GOLGA2: variants seen among roughly 807,000 people sequenced by gnomAD.
The protein encoded by GOLGA2 is golgin A2, also known as golgin subfamily A member 2.
A neutral mutation model predicts 148.8 loss-of-function variants in GOLGA2; 49 were observed. That is an observed-to-expected ratio of 0.33 (90% confidence interval 0.26 to 0.42). GOLGA2 has a LOEUF of 0.42. Among genes scored for constraint, GOLGA2 ranks in the 10% least tolerant of loss-of-function variants. The probability of loss-of-function intolerance (pLI) is 1.00; values close to 1 mark genes in which losing one functional copy is unlikely to be tolerated. For missense variants in GOLGA2, 1,178 were observed against 1,304.6 expected, an observed-to-expected ratio of 0.90 and a Z score of 1.49; for synonymous variants, 501 against 511.8, an observed-to-expected ratio of 0.98 and a Z score of 0.28.
In GOLGA2 at chr9:128,268,659, C is replaced by T. The variant is rs938232616; in HGVS notation, c.289-135G>A. 23 of 622,296 alleles carry T rather than the reference C, an allele frequency of 3.7e-5. No homozygotes were observed. The African/African-American group carries it at 4.0e-4, about 11-fold the overall frequency. 38.5% of individuals were successfully genotyped at this position (622,296 alleles called of 1,614,324 possible). On this transcript the variant is annotated intron_variant, in intron 3 of 26. Transcript: ENST00000611957. ...ACAGTCACACATGCTAGGAGCCACT[C>T]AGGGGTGTGGATTGGTTGCCCAGGC...
chr9:128,257,943 C>T lies in GOLGA2; in HGVS notation c.2508+37G>A, dbSNP rs1437815402. 1.9e-6 allele frequency: 3 copies of T among 1,605,258 alleles called. No homozygotes were observed. The South Asian group carries it at 3.3e-5, about 18-fold the overall frequency. On this transcript the variant is annotated intron_variant, in intron 23 of 26. Transcript: ENST00000611957. The surrounding 1 kb of genome is among the most constrained non-coding windows in gnomAD (Gnocchi z 8.0). Reference sequence around the variant, plus strand: ...TATCGGCAGCGACCTGCCCCGCCCCCACCCTTCTTGACCCATGCCAGGAGA... The same window carrying T: ...TATCGGCAGCGACCTGCCCCGCCCCTACCCTTCTTGACCCATGCCAGGAGA...
In GOLGA2 at chr9:128,268,449, C is replaced by A. The variant is rs1223543105; in HGVS notation, c.364G>T (p.Ala122Ser). The A allele has an allele frequency of 6.2e-7, 1 of 1,609,836 alleles. No homozygotes were observed. The highest frequency in any genetic ancestry group is 8.5e-7 in the Non-Finnish European group (1 of 1,176,602). Reference protein sequence around the residue: ...VLPGGVPSPGASLTSMAASQN... With the variant: ...VLPGGVPSPGSSLTSMAASQN... ...GATGCCGCCATGCTAGTGAGACTGGCACCAGGGGAAGGGACACCGCCAGGT... is the reference window on the plus strand; with the variant it reads ...GATGCCGCCATGCTAGTGAGACTGGAACCAGGGGAAGGGACACCGCCAGGT... The change falls in exon 4 of 27, where the codon GCC becomes TCC. Residue 122 changes from alanine (A) to serine (S), a missense_variant. Coordinates refer to ENST00000611957, the MANE Select transcript of GOLGA2 (RefSeq NM_001366244.2).
Position 128,257,212 on chromosome 9 carries a change from C to T in GOLGA2, c.2945G>A (p.Arg982His), listed in dbSNP as rs149833577. The T allele has an allele frequency of 1.5e-3, 2,436 of 1,613,934 alleles. 20 individuals carry two copies. In the African/African-American group the frequency reaches 0.028, roughly 19 times the overall value. Residue 982 changes from arginine (R) to histidine (H), a missense_variant, in exon 27 of 27, where the codon CGT becomes CAT. Coordinates refer to ENST00000611957, the MANE Select transcript of GOLGA2 (RefSeq NM_001366244.2). The surrounding 1 kb of genome is among the most constrained non-coding windows in gnomAD (Gnocchi z 8.0). ...AQGEAREGSPRDNPTAQQIMQ... is the reference protein window; with the variant it reads ...AQGEAREGSPHDNPTAQQIMQ... ...GATCTGCTGTGCAGTGGGGTTGTCA[C>T]GGGGAGAACCCTCCCTGGCCTCTCC...
At chr9:128,275,865 C>CGG (rs983864420) in intron 1 of GOLGA2, 28 bp downstream of exon 1, 18 of 1,257,328 alleles carry the variant, frequency 1.4e-5, no homozygotes, top group Non-Finnish European at 2.0e-5. Context: ...GGGGCTGGGT[C>CGG]GGGGGGCCGC....
At position 128,260,007 on chromosome 9, in the gene GOLGA2, G is replaced by A; in HGVS notation, c.1872+69C>T. On this transcript the variant is annotated intron_variant, in intron 19 of 26. Coordinates refer to ENST00000611957, the MANE Select transcript of GOLGA2 (RefSeq NM_001366244.2). This position sits in a 1 kb window ranked among gnomAD's most constrained non-coding sequence, Gnocchi z 4.8. ...TGTGCCCCAGGCTGGAGCTGCCTCT[G>A]GCCTCACACCACCCCTCCCCAGAGG... The A allele has an allele frequency of 9.2e-7, 1 of 1,086,396 alleles. No individual in the cohort carries two copies. Among genetic ancestry groups the A allele is most frequent in the Non-Finnish European group, 1.4e-6 (1 of 711,584 alleles). 67.3% of individuals were successfully genotyped at this position (1,086,396 alleles called of 1,614,324 possible).
chr9:128,260,195 CAG>C lies in GOLGA2; in HGVS notation c.1759-8_1759-7del. 6.3e-7 allele frequency: 1 copy of C among 1,591,822 alleles called. No homozygotes were observed. The highest frequency in any genetic ancestry group is 8.6e-7 in the Non-Finnish European group (1 of 1,166,916). On this transcript the variant is annotated splice_polypyrimidine_tract_variant and splice_region_variant and intron_variant, in intron 18 of 26. Coordinates refer to ENST00000611957, the MANE Select transcript of GOLGA2 (RefSeq NM_001366244.2). The surrounding 1 kb of genome is among the most constrained non-coding windows in gnomAD (Gnocchi z 4.8). ...ATCTCCATGTTCTCATTAGTCTGGA[CAG>C]AGAGAAGCAATCAGCGGCCACCCAC...
rs766576818 is a variant in GOLGA2 at position 128,265,797 on chromosome 9, G to C, written c.817C>G (p.Gln273Glu). Residue 273 changes from glutamine to glutamate, a missense_variant, in exon 11 of 27, where the codon CAG (glutamine) becomes GAG (glutamate). This residue lies in a region of GOLGA2 where 304 missense variants were observed against 404.1 expected (regional missense o/e 0.75). Coordinates refer to ENST00000611957, the MANE Select transcript of GOLGA2 (RefSeq NM_001366244.2). ...GTGCCCAGATTCCCACCTTCTTTCT[G>C]CCTGGCAGCATGCTGAGTGTGAGCC... The part of the protein sequence containing the change: ...ALAHTQHAAR[Q>E]KEGESEDLAS... 8.1e-6 allele frequency: 13 copies of C among 1,613,380 alleles called. No individual in the cohort carries two copies. The highest frequency in any genetic ancestry group is 8.5e-7 in the Non-Finnish European group (1 of 1,179,250).
rs764539906 is a variant in GOLGA2, at chr9:128,260,617, G to C, written c.1606C>G (p.Arg536Gly). ...EQEERLLELE[R>G]AAELWGEQAE... ...TGCTCCCCCCAGAGCTCGGCCGCCC[G>C]CTCCAGCTCCAGCAGCCTCTCCTCC... is the stretch of plus-strand genomic sequence containing the variant. The change falls in exon 18 of 27, where the codon CGG becomes GGG. Residue 536 changes from arginine (R) to glycine (G), a missense_variant. This residue lies in a region of GOLGA2 where 529 missense variants were observed against 521.8 expected (regional missense o/e 1.01). Coordinates refer to ENST00000611957, the MANE Select transcript of GOLGA2 (RefSeq NM_001366244.2). This position sits in a 1 kb window ranked among gnomAD's most constrained non-coding sequence, Gnocchi z 4.8. 6.2e-7 allele frequency: 1 copy of C among 1,611,156 alleles called. No individual in the cohort carries two copies. The highest frequency in any genetic ancestry group is 1.7e-5 in the Admixed American group (1 of 60,022).
intron 6 of GOLGA2, 131 bp from the exon 7 acceptor site, chr9:128,267,648 G>A: frequency 1.4e-6 from 1 of 726,988 alleles, no homozygotes; most frequent in East Asian, 2.6e-5. Flanking sequence ...TAACCCCTTT[G>A]TGCCAACTTC....
In GOLGA2 at chr9:128,259,144, C is replaced by T. The variant is rs759143477; in HGVS notation, c.2097+23G>A. On this transcript the variant is annotated intron_variant, in intron 20 of 26. Transcript: ENST00000611957. The stretch of plus-strand genomic sequence containing the variant: ...GTTGCCAGGTTGTCCCCCTCGGGGC[C>T]CTGCCCTCACCAACTCCCTCACCTG... The T allele has an allele frequency of 3.1e-6, 5 of 1,601,454 alleles. No homozygotes were observed. The Admixed American group carries it at 6.7e-5, about 22-fold the overall frequency.
intron 19 of GOLGA2, 54 bp from the exon 20 acceptor site, chr9:128,259,445 G>A: frequency 8.3e-7 from 1 of 1,197,778 alleles, no homozygotes; most frequent in Non-Finnish European, 1.2e-6. Flanking sequence ...CCAGATTCAG[G>A]GCCCATAAAT....
rs1173735653 is a variant in GOLGA2, at chr9:128,263,042, G to A, written c.984C>T (p.Tyr328=). The A allele has an allele frequency of 3.1e-6, 5 of 1,605,942 alleles. No individual in the cohort carries two copies. Among genetic ancestry groups the A allele is most frequent in the Non-Finnish European group, 3.4e-6 (4 of 1,173,014 alleles). The change falls in exon 13 of 27, where the codon TAC becomes TAT. Residue 328 remains tyrosine (Y), a synonymous_variant. Transcript: ENST00000611957. Reference sequence around the variant, plus strand: ...ACCATCCCCCATCCTACGTGTTCTTGTATAACTCCAGCCTGAGGGCGTCTC... The same window carrying A: ...ACCATCCCCCATCCTACGTGTTCTTATATAACTCCAGCCTGAGGGCGTCTC... ...KERDALRLEL[Y]KNTQSNEDLK...
At position 128,272,791 on chromosome 9, in the gene GOLGA2, C is replaced by T. The variant is rs565680800; in HGVS notation, c.282G>A (p.Lys94=). 35 of 1,250,666 alleles carry T rather than the reference C, an allele frequency of 2.8e-5. No individual in the cohort carries two copies. The East Asian group carries it at 1.5e-3, about 53-fold the overall frequency. The allele number at this position is 1,250,666 out of a possible 1,614,324, so 77.5% of individuals were successfully genotyped here. ...GGTCTCGGCACTGCCTCACCTTCCA[C>T]TTGTCCAATGGGGGGAGCGCTACCC... The part of the protein sequence containing the change: ...SNGVALPPLD[K]WKTPKDNAAT... Residue 94 remains lysine (K), a synonymous_variant, in exon 3 of 27, where the codon AAG becomes AAA. Transcript: ENST00000611957.
chr9:128,256,419 G>C lies in GOLGA2; in HGVS notation c.*648C>G, dbSNP rs1454624348. ...GGGTGGCAGGCACATGATGGGGGCG[G>C]AGCCTCCGGCCCCACTTCTCCAGGC... On this transcript the variant is annotated 3_prime_UTR_variant, in exon 27 of 27. Coordinates refer to ENST00000611957, the MANE Select transcript of GOLGA2 (RefSeq NM_001366244.2). The C allele has an allele frequency of 6.6e-6, 1 of 152,318 alleles. No individual in the cohort carries two copies. The highest frequency in any genetic ancestry group is 1.9e-4 in the East Asian group (1 of 5,196). The allele number at this position is 152,318 out of a possible 1,614,324, so 9.4% of individuals were successfully genotyped here.
chr9:128,275,871 G>A (rs1564370971), intron 1 of GOLGA2, 22 bp downstream of exon 1: 1 of 1,381,554 alleles, frequency 7.2e-7, no homozygotes, highest in South Asian at 1.2e-5. Context: ...GGGTCGGGGG[G>A]CCGCGACCCG....
At position 128,260,981 on chromosome 9, in the gene GOLGA2, G is replaced by C; in HGVS notation, c.1421-179C>G. 1 of 662,030 alleles carries C rather than the reference G, an allele frequency of 1.5e-6. No homozygotes were observed. The highest frequency in any genetic ancestry group is 2.7e-6 in the Non-Finnish European group (1 of 376,590). The allele number at this position is 662,030 out of a possible 1,614,324, so 41.0% of individuals were successfully genotyped here. ...CGACAACTGTGGGTGGCTGACAACG[G>C]GCACTCCTTCGTCTTTGCTGATGGG... On this transcript the variant is annotated intron_variant, in intron 17 of 26. Coordinates refer to ENST00000611957, the MANE Select transcript of GOLGA2 (RefSeq NM_001366244.2). This position sits in a 1 kb window ranked among gnomAD's most constrained non-coding sequence, Gnocchi z 4.8.
chr9:128,267,907 CG>C, intron 6 of GOLGA2, 26 bp downstream of exon 6: 1 of 1,567,598 alleles, frequency 6.4e-7, no homozygotes, highest in Non-Finnish European at 8.8e-7. Flanking sequence ...CCCCCCACCC[CG>C]CTCTCGGCCT....
chr9:128,260,773 C>T lies in GOLGA2; in HGVS notation c.1450G>A (p.Gly484Arg). The T allele has an allele frequency of 6.8e-6, 11 of 1,610,604 alleles. No individual in the cohort carries two copies. Among genetic ancestry groups the T allele is most frequent in the Non-Finnish European group, 9.3e-6 (11 of 1,178,728 alleles). Residue 484 changes from glycine to arginine, a missense_variant, in exon 18 of 27, where the codon GGG (glycine) becomes AGG (arginine). Coordinates refer to ENST00000611957, the MANE Select transcript of GOLGA2 (RefSeq NM_001366244.2). This position sits in a 1 kb window ranked among gnomAD's most constrained non-coding sequence, Gnocchi z 4.8. ...AEPPPPEPPAGPSEVEQQLQA... is the reference protein window; with the variant it reads ...AEPPPPEPPARPSEVEQQLQA... The stretch of plus-strand genomic sequence containing the variant: ...AGCTGCTGCTCCACCTCGGAGGGCC[C>T]TGCTGGGGGCTCTGGGGGCGGGGGT...
At chr9:128,273,503 TC>T (rs1470361798) in intron 2 of GOLGA2, 7 of 438,836 alleles carry the variant, frequency 1.6e-5, no homozygotes, top group Non-Finnish European at 2.8e-5. Flanking sequence ...TGGCCTGGCT[TC>T]CCTTTGAGAC....
Sources: gnomAD v4.1 joint callset for allele counts on GRCh38, gnomAD v4.1.1 for gene constraint, gnomAD v4.1.1 regional missense constraint, Gnocchi (gnomAD v3.1) non-coding constraint, MANE v1.5 for transcripts, NCBI Gene and HGNC (gene_info 2026-07-23, HGNC 2026-07-21) for gene names.